KAT14: variants seen among roughly 807,000 people sequenced by gnomAD.
KAT14 encodes the protein cysteine-rich protein 2-binding protein.
Under a neutral mutation model 78.4 loss-of-function variants are expected in KAT14, and 66 were observed. The observed-to-expected ratio is 0.84, with a 90% CI of 0.69 to 1.03. KAT14 has a LOEUF of 1.03. Among genes scored for constraint, KAT14 ranks in the 50% least tolerant of loss-of-function variants. The pLI is 0.00. For missense variants in KAT14, 870 were observed against 972.5 expected (o/e 0.89, Z 1.40); for synonymous variants, 344 against 359.4 (o/e 0.96, Z 0.48).
At chr20:18,163,053 A>C in intron 7 of KAT14, 108 bp downstream of exon 7, 1 of 1,386,222 alleles carries the variant, frequency 7.2e-7, no homozygotes, top group Non-Finnish European at 9.6e-7. Context: ...ATCCTGAGTA[A>C]TTTGGGAAGA....
chr20:18,183,258 C>T lies in KAT14; in HGVS notation c.1941C>T (p.Ile647=). 5.6e-6 allele frequency: 9 copies of T among 1,614,076 alleles called. No individual in the cohort carries two copies. The highest frequency in any genetic ancestry group is 5.1e-6 in the Non-Finnish European group (6 of 1,180,002). Reference sequence around the variant, plus strand: ...ACTGTTATGTGCGGCCAAATCACATCCCAACGATCAACTCCATGTGTCAGG... The same window carrying T: ...ACTGTTATGTGCGGCCAAATCACATTCCAACGATCAACTCCATGTGTCAGG... The part of the protein sequence containing the change: ...LDYCYVRPNH[I]PTINSMCQEF... The change falls in exon 9 of 11, where the codon ATC becomes ATT. Residue 647 remains isoleucine, a synonymous_variant. Transcript: ENST00000688188.
intron 5 of KAT14, 51 bp from the exon 6 acceptor site, chr20:18,161,772 C>G (rs1275732098): frequency 6.4e-7 from 1 of 1,560,824 alleles, no homozygotes; most frequent in African/African-American, 1.4e-5. Flanking sequence ...TGCTTGTGCC[C>G]AAGCATTTCA....
At chr20:18,171,120 A>G (rs1344117957) in intron 7 of KAT14, among the ~76,000 whole-genome samples, 2 of 152,218 alleles carry the variant, frequency 1.3e-5, no homozygotes, top group African/African-American at 4.8e-5. Flanking sequence ...CATTAAGAAC[A>G]TTTGTGATTC....
At chr20:18,143,275 T>TA in intron 2 of KAT14, 2 of 711,550 alleles carry the variant, frequency 2.8e-6, no homozygotes, top group Non-Finnish European at 1.8e-6. Flanking sequence ...TTATAAAAAT[T>TA]ACTTTGTTAA....
Position 18,159,219 on chromosome 20 carries a change from G to A in KAT14, c.636G>A (p.Met212Ile). ...TTGTTCATAACAAGCCCCCAACGAT[G>A]AAACCTGAAGGAGAGAAGTTGTCTG... ...WKLVHNKPPT[M>I]KPEGEKLSAS... Residue 212 changes from methionine (M) to isoleucine (I), a missense_variant, in exon 5 of 11, where the codon ATG (methionine) becomes ATA (isoleucine). Physicochemically the swap from Met to Ile is conservative, Grantham distance 10. Coordinates refer to ENST00000688188, the MANE Select transcript of KAT14 (RefSeq NM_001392073.1). The A allele has an allele frequency of 6.2e-7, 1 of 1,614,056 alleles. No homozygotes were observed. The highest frequency in any genetic ancestry group is 8.5e-7 in the Non-Finnish European group (1 of 1,179,992).
At chr20:18,139,242 G>A (rs1246671136) in intron 1 of KAT14, among the ~76,000 whole-genome samples, 1 of 152,170 alleles carries the variant, frequency 6.6e-6, no homozygotes, top group Non-Finnish European at 1.5e-5. Context: ...GCTCCTAAGG[G>A]GCTGGCTTTT....
chr20:18,142,999 T>A lies in KAT14; in HGVS notation c.259+80T>A, dbSNP rs2037647597. The A allele has an allele frequency of 7.1e-6, 11 of 1,540,972 alleles. No individual in the cohort carries two copies. The East Asian group carries it at 2.6e-4, about 36-fold the overall frequency. Reference sequence around the variant, plus strand: ...TTCCAACCTGTGAAAGAAACGTGAATGTAAAAGAGACCTAAATAAAAGGAT... The same window carrying A: ...TTCCAACCTGTGAAAGAAACGTGAAAGTAAAAGAGACCTAAATAAAAGGAT... On this transcript the variant is annotated intron_variant, in intron 2 of 10. Transcript: ENST00000688188.
Position 18,149,377 on chromosome 20 carries a change from G to A in KAT14, c.379-1444G>A, listed in dbSNP as rs527899480. ...TAAACACTAACTTCCCATGAATATTGATTGTTTAAAGGAAGGTGTTTGTTG... is the reference window on the plus strand; with the variant it reads ...TAAACACTAACTTCCCATGAATATTAATTGTTTAAAGGAAGGTGTTTGTTG... On this transcript the variant is annotated intron_variant, in intron 3 of 10. Coordinates refer to ENST00000688188, the MANE Select transcript of KAT14 (RefSeq NM_001392073.1). Among the ~76,000 whole-genome samples the A allele has an allele frequency of 3.0e-4, 45 of 152,284 alleles. No individual in the cohort carries two copies. In the South Asian group the frequency reaches 8.9e-3, roughly 30 times the overall value.
At chr20:18,144,719 A>G (rs930499695) in intron 2 of KAT14, among the ~76,000 whole-genome samples, 4 of 152,212 alleles carry the variant, frequency 2.6e-5, no homozygotes, top group Admixed American at 1.3e-4. Flanking sequence ...AATCAAGCAT[A>G]TTTAGAAAAC....
At chr20:18,139,634 GTGTGT>G in intron 1 of KAT14, among the ~76,000 whole-genome samples, 2 of 6,342 alleles carry the variant, frequency 3.2e-4, no homozygotes. Flanking sequence ...CCAAAATAAC[GTGTGT>G]GTGTGTGTGT....
rs773985302 is a variant in KAT14, at chr20:18,183,240, T to C, written c.1923T>C (p.Tyr641=). The C allele has an allele frequency of 2.0e-5, 32 of 1,614,070 alleles. No individual in the cohort carries two copies. Among genetic ancestry groups the C allele is most frequent in the Middle Eastern group, 3.3e-4 (2 of 6,084 alleles). The change falls in exon 9 of 11, where the codon TAT becomes TAC. Residue 641 remains tyrosine, a synonymous_variant. Transcript: ENST00000688188. Reference sequence around the variant, plus strand: ...CCGACGCACCTCTCGATTACTGTTATGTGCGGCCAAATCACATCCCAACGA... The same window carrying C: ...CCGACGCACCTCTCGATTACTGTTACGTGCGGCCAAATCACATCCCAACGA... ...PEPDAPLDYC[Y]VRPNHIPTIN...
intron 7 of KAT14, among the ~76,000 whole-genome samples, chr20:18,173,640 GTCTTT>G (rs2038934344): frequency 2.3e-5 from 2 of 86,198 alleles, no homozygotes; most frequent in Non-Finnish European, 5.0e-5. Context: ...TTTTTTTTTT[GTCTTT>G]TCTTTTGCTT....
chr20:18,138,262 C>T, intron 1 of KAT14: 4 of 1,233,128 alleles, frequency 3.2e-6, no homozygotes, highest in Non-Finnish European at 4.0e-6. Context: ...GTGCAGCCCG[C>T]AGATTCAGGA....
At chr20:18,163,250 G>A (rs1277411429) in intron 7 of KAT14, among the ~76,000 whole-genome samples, 3 of 152,120 alleles carry the variant, frequency 2.0e-5, no homozygotes, top group Non-Finnish European at 4.4e-5. Flanking sequence ...TGCATGGTTT[G>A]TGTCGTAGCT....
intron 7 of KAT14, among the ~76,000 whole-genome samples, chr20:18,164,919 GC>G (rs1181149521): frequency 6.6e-6 from 1 of 152,038 alleles, no homozygotes; most frequent in East Asian, 1.9e-4. Context: ...ATTGCGCCTG[GC>G]CAATATTCAC....
chr20:18,148,382 T>C (rs2037903473), intron 3 of KAT14, among the ~76,000 whole-genome samples: 1 of 152,172 alleles, frequency 6.6e-6, no homozygotes, highest in East Asian at 1.9e-4. Flanking sequence ...TTGGGAAGGA[T>C]AGGGAAGTTT....
chr20:18,145,187 G>A lies in KAT14; in HGVS notation c.260-46G>A, dbSNP rs368927334. The A allele has an allele frequency of 7.0e-5, 112 of 1,599,062 alleles. 1 individual carries two copies. The highest frequency in any genetic ancestry group is 4.3e-4 in the African/African-American group (32 of 74,314). On this transcript the variant is annotated intron_variant, in intron 2 of 10. Transcript: ENST00000688188. ...AAACGGATTAAACCTTTAGGTTACC[G>A]CTGCTCTAGATAAACCCATGATGTG... is the stretch of plus-strand genomic sequence containing the variant.
At chr20:18,137,502 G>A (rs890231477), upstream of KAT14, among the ~76,000 whole-genome samples, 4 of 152,228 alleles carry the variant, frequency 2.6e-5, no homozygotes, top group South Asian at 2.1e-4. Flanking sequence ...GCTGCGTTTA[G>A]GCGAAGCCGG....
chr20:18,168,518 ACT>A (rs770973396), intron 7 of KAT14, among the ~76,000 whole-genome samples: 50 of 150,648 alleles, frequency 3.3e-4, no homozygotes, highest in Non-Finnish European at 6.4e-4. Context: ...ATTGGGTGAG[ACT>A]CTCTCTCAAA....
Sources: allele counts gnomAD v4.1 joint callset (sites outside exome capture counted in the v4.1 genomes callset), GRCh38; gene constraint gnomAD v4.1.1; transcripts MANE v1.5; gene names NCBI Gene and HGNC (gene_info 2026-07-23, HGNC 2026-07-21).